STK32C: variants seen among roughly 807,000 people sequenced by gnomAD.
The protein encoded by STK32C is serine/threonine-protein kinase 32C.
In STK32C, 31 loss-of-function variants were observed where a neutral mutation model predicts 56.5. The observed-to-expected ratio is 0.55, with a 90% CI of 0.41 to 0.74. The LOEUF (loss-of-function observed/expected upper bound fraction) is 0.74, where lower values mean the gene tolerates loss of function less well. Among genes scored for constraint, STK32C ranks in the 30% least tolerant of loss-of-function variants. STK32C has a pLI of 0.00. For missense variants in STK32C, 544 were observed against 676.9 expected, an observed-to-expected ratio of 0.80 and a Z score of 2.18; for synonymous variants, 309 against 289.4, an observed-to-expected ratio of 1.07 and a Z score of -0.69.
At chr10:132,270,688 A>G (rs2064789116) in intron 1 of STK32C, among the ~76,000 whole-genome samples, 1 of 152,216 alleles carries the variant, frequency 6.6e-6, no homozygotes, top group African/African-American at 2.4e-5. Context: ...GGTACCAACC[A>G]GACACCCCTC....
At chr10:132,252,647 G>A (rs1479656297) in intron 1 of STK32C, among the ~76,000 whole-genome samples, 1 of 152,174 alleles carries the variant, frequency 6.6e-6, no homozygotes, top group Non-Finnish European at 1.5e-5. Flanking sequence ...GGCGTGGGAT[G>A]GACGGAGCGG....
At chr10:132,331,917 C>T (rs1264030897), upstream of STK32C, 6 of 367,834 alleles carry the variant, frequency 1.6e-5, no homozygotes, top group African/African-American at 3.3e-5. Flanking sequence ...CGCACCACAA[C>T]CCCCCCACCG....
At chr10:132,299,451 G>A (rs141701799) in intron 1 of STK32C, among the ~76,000 whole-genome samples, 367 of 151,990 alleles carry the variant, frequency 2.4e-3, no homozygotes, top group African/African-American at 7.2e-3. Flanking sequence ...AGCGAACTGA[G>A]ACCCCAGGAC....
intron 10 of STK32C, among the ~76,000 whole-genome samples, chr10:132,219,675 T>C (rs1713963867): frequency 6.6e-6 from 1 of 152,064 alleles, no homozygotes; most frequent in African/African-American, 2.4e-5. Context: ...CAATTCTGCC[T>C]GAGGACACCC....
chr10:132,229,625 C>T (rs2063023068), intron 2 of STK32C, among the ~76,000 whole-genome samples: 1 of 152,262 alleles, frequency 6.6e-6, no homozygotes, highest in South Asian at 2.1e-4. Context: ...ATTCTGCCCC[C>T]AGAGGTTCCT....
At position 132,307,740 on chromosome 10, in the gene STK32C, G is replaced by A. The variant is rs2066123134; in HGVS notation, c.94C>T (p.Pro32Ser). ...GCAGCGGGCGGCGGCAGGGCCGAGG[G>A]CGCGTCGGAGCCGGCGGGGCGCGCG... ...GRARPAGSDA[P>S]SALPPPAAGQ... is the part of the protein sequence containing the mutation. The change falls in exon 1 of 12, where the codon CCC becomes TCC. Residue 32 changes from proline to serine, a missense_variant. Around this residue, in one of 3 missense-constraint regions of STK32C, gnomAD observed 182 missense variants for 217.7 expected, o/e 0.84. Transcript: ENST00000298630. The surrounding 1 kb of genome is among the most constrained non-coding windows in gnomAD (Gnocchi z 4.4). 1.0e-5 allele frequency: 11 copies of A among 1,095,674 alleles called. No homozygotes were observed. Among genetic ancestry groups the A allele is most frequent in the Non-Finnish European group, 1.2e-5 (11 of 901,152 alleles). 67.9% of individuals were successfully genotyped at this position (1,095,674 alleles called of 1,614,324 possible). A position where few individuals can be genotyped will look rare whatever the true frequency, so the allele number is the denominator to read the frequency against.
chr10:132,284,239 C>T (rs777120167), intron 1 of STK32C, among the ~76,000 whole-genome samples: 19 of 148,360 alleles, frequency 1.3e-4, no homozygotes, highest in Admixed American at 5.4e-4. Flanking sequence ...CCGCAGGAAA[C>T]GGGCAGAGTA....
chr10:132,247,147 C>G (rs908133559), intron 1 of STK32C, among the ~76,000 whole-genome samples: 5 of 152,330 alleles, frequency 3.3e-5, no homozygotes, highest in South Asian at 2.1e-4. Context: ...TAGGTACTGA[C>G]CCCTCCTGGG....
chr10:132,284,813 C>A (rs2065344177), intron 1 of STK32C, among the ~76,000 whole-genome samples: 1 of 146,980 alleles, frequency 6.8e-6, no homozygotes, highest in Non-Finnish European at 1.5e-5. Context: ...CACATTCCCA[C>A]GTCTGCCCAA....
At chr10:132,331,653 C>G in exon 1 of STK32C, 1 of 1,612,876 alleles carries the variant, frequency 6.2e-7, no homozygotes. Flanking sequence ...GGTGGTGCCT[C>G]AGCAGCAATT....
At chr10:132,264,347 G>A (rs757572023) in intron 1 of STK32C, among the ~76,000 whole-genome samples, 1 of 152,262 alleles carries the variant, frequency 6.6e-6, no homozygotes, top group African/African-American at 2.4e-5. Context: ...GTGGCCCCAT[G>A]TGGATGCCAT....
chr10:132,305,914 G>T (rs895658772), intron 1 of STK32C, among the ~76,000 whole-genome samples: 1 of 152,282 alleles, frequency 6.6e-6, no homozygotes, highest in South Asian at 2.1e-4. Flanking sequence ...CAAGCCATAC[G>T]GAGCCAGCAG....
Position 132,255,837 on chromosome 10 carries a change from G to A in STK32C, c.263-9882C>T, listed in dbSNP as rs79930512. ...AGCACCATGGCCCAGCATTACGTGC[G>A]CTGCCCACGCATCTCCGAGGGCCCA... On this transcript the variant is annotated intron_variant, in intron 1 of 11. Transcript: ENST00000298630. The surrounding 1 kb of genome is among the most constrained non-coding windows in gnomAD (Gnocchi z 4.6). Among the ~76,000 whole-genome samples, 75 of 152,258 alleles carry A rather than the reference G, an allele frequency of 4.9e-4. 1 individual carries two copies. The East Asian group carries it at 0.014, about 29-fold the overall frequency.
At chr10:132,311,574 G>T (rs1399643465), upstream of STK32C, among the ~76,000 whole-genome samples, 1 of 152,218 alleles carries the variant, frequency 6.6e-6, no homozygotes, top group African/African-American at 2.4e-5. This position sits in a 1 kb window ranked among gnomAD's most constrained non-coding sequence, Gnocchi z 4.4. Flanking sequence ...GGAGCACAGC[G>T]ACGGAGAACA....
At chr10:132,324,018 C>G (rs2066453855), downstream of STK32C, 1 of 546,040 alleles carries the variant, frequency 1.8e-6, no homozygotes, top group Non-Finnish European at 3.3e-6. Flanking sequence ...CCCTAAAGAG[C>G]AGCATTAATC....
In STK32C at chr10:132,307,467, A is replaced by C; in HGVS notation, c.262+105T>G. On this transcript the variant is annotated intron_variant, in intron 1 of 11. Coordinates refer to ENST00000298630, the MANE Select transcript of STK32C (RefSeq NM_173575.4). This position sits in a 1 kb window ranked among gnomAD's most constrained non-coding sequence, Gnocchi z 4.4. The stretch of plus-strand genomic sequence containing the variant: ...CTCCGGAAGCCGGGGCGCCCCGGGA[A>C]GCCGTCCCGGACACCGGGGGAACCC... 4.8e-6 allele frequency: 6 copies of C among 1,242,578 alleles called. No individual in the cohort carries two copies. Among genetic ancestry groups the C allele is most frequent in the Non-Finnish European group, 5.2e-6 (5 of 955,066 alleles). The allele number at this position is 1,242,578 out of a possible 1,614,324, so 77.0% of individuals were successfully genotyped here.
chr10:132,298,102 C>A (rs772375169), intron 1 of STK32C, among the ~76,000 whole-genome samples: 3 of 152,192 alleles, frequency 2.0e-5, no homozygotes, highest in Non-Finnish European at 4.4e-5. Flanking sequence ...CTGAAGGTCA[C>A]GCTTCCAACT....
At chr10:132,233,597 G>C (rs2063174100) in intron 2 of STK32C, among the ~76,000 whole-genome samples, 2 of 152,222 alleles carry the variant, frequency 1.3e-5, no homozygotes, top group South Asian at 4.1e-4. Context: ...GGCGGCTGTA[G>C]TGGCCATGCT....
At chr10:132,232,278 G>C (rs2063130269) in intron 2 of STK32C, among the ~76,000 whole-genome samples, 2 of 152,152 alleles carry the variant, frequency 1.3e-5, no homozygotes, top group Non-Finnish European at 1.5e-5. Flanking sequence ...GGTTTGGGGT[G>C]GTGTGGGGTT....
Sources: allele counts gnomAD v4.1 joint callset (sites outside exome capture counted in the v4.1 genomes callset), GRCh38; gene constraint gnomAD v4.1.1; regional missense constraint gnomAD v4.1.1; non-coding constraint Gnocchi (gnomAD v3.1); transcripts MANE v1.5; gene names NCBI Gene and HGNC (gene_info 2026-07-23, HGNC 2026-07-21).